The following LOC128462377 variants were observed in gnomAD, a reference collection of about 807,000 sequenced individuals.
the LOC128462377 span, chr16:89,324,568 C>G: frequency 2.2e-6 from 1 of 454,644 alleles, no homozygotes; most frequent in Non-Finnish European, 4.4e-6. Flanking sequence ...GACGAACCCT[C>G]CATCTGGGGG....
At chr16:89,397,355 G>A in the LOC128462377 span, among the ~76,000 whole-genome samples, 2 of 152,338 alleles carry the variant, frequency 1.3e-5, no homozygotes, top group East Asian at 1.9e-4. Context: ...TCAACTGGAT[G>A]CGCATTTACA....
chr16:89,414,838 G>A, the LOC128462377 span, among the ~76,000 whole-genome samples: 3 of 152,290 alleles, frequency 2.0e-5, no homozygotes, highest in East Asian at 5.8e-4. Flanking sequence ...CTGAAGAAGC[G>A]ACTGTGGATC....
the LOC128462377 span, among the ~76,000 whole-genome samples, chr16:89,399,615 T>C: frequency 3.9e-5 from 6 of 152,046 alleles, no homozygotes; most frequent in African/African-American, 1.4e-4. Flanking sequence ...CATCCAACCA[T>C]AGACTGCACA....
the LOC128462377 span, among the ~76,000 whole-genome samples, chr16:89,374,033 A>G: frequency 6.6e-6 from 1 of 152,236 alleles, no homozygotes; most frequent in Non-Finnish European, 1.5e-5. Flanking sequence ...ACTTCTGCAA[A>G]GCCAGAGTGG....
chr16:89,353,775 C>T, the LOC128462377 span, among the ~76,000 whole-genome samples: 29 of 152,158 alleles, frequency 1.9e-4, no homozygotes, highest in Admixed American at 6.5e-4. Context: ...CCACTACGCC[C>T]GAACTGGTCA....
chr16:89,317,660 C>A, the LOC128462377 span, among the ~76,000 whole-genome samples: 1 of 152,256 alleles, frequency 6.6e-6, no homozygotes, highest in Non-Finnish European at 1.5e-5. Context: ...GAGGTCCCAA[C>A]TCCACGCCCA....
the LOC128462377 span, among the ~76,000 whole-genome samples, chr16:89,329,842 T>C: frequency 7.9e-5 from 12 of 152,028 alleles, no homozygotes; most frequent in South Asian, 2.5e-3. Context: ...AACTCTCTAC[T>C]GAAAATACAA....
the LOC128462377 span, among the ~76,000 whole-genome samples, chr16:89,399,636 G>A: frequency 1.3e-5 from 2 of 152,190 alleles, no homozygotes; most frequent in South Asian, 2.1e-4. Flanking sequence ...GCACCCGGTG[G>A]ACCCTGAGGT....
the LOC128462377 span, among the ~76,000 whole-genome samples, chr16:89,398,030 A>G: frequency 1.3e-5 from 2 of 152,260 alleles, no homozygotes; most frequent in Non-Finnish European, 2.9e-5. Flanking sequence ...AGCACTGTCT[A>G]TGTGAATAAA....
the LOC128462377 span, among the ~76,000 whole-genome samples, chr16:89,340,421 T>C: frequency 1.3e-5 from 2 of 152,206 alleles, no homozygotes; most frequent in Non-Finnish European, 2.9e-5. Flanking sequence ...ATTACAGGCA[T>C]GCGCCACCAT....
At chr16:89,337,429 CTTTTTTTTTTTTTTT>C in the LOC128462377 span, among the ~76,000 whole-genome samples, 1 of 53,118 alleles carries the variant, frequency 1.9e-5, no homozygotes, top group Non-Finnish European at 3.2e-5. Flanking sequence ...CTAAGCAATT[CTTTTTTTTTTTTTTT>C]TTTTTTTTTT....
chr16:89,380,480 TTGGG>T, the LOC128462377 span, among the ~76,000 whole-genome samples: 1 of 152,192 alleles, frequency 6.6e-6, no homozygotes, highest in Admixed American at 6.6e-5. Context: ...GATAGCTTCC[TTGGG>T]GCTACTCCAG....
chr16:89,342,483 G>A, the LOC128462377 span, among the ~76,000 whole-genome samples: 1 of 152,252 alleles, frequency 6.6e-6, no homozygotes, highest in Non-Finnish European at 1.5e-5. Context: ...CAAAGCGTGA[G>A]GAGGAACGGG....
chr16:89,388,939 C>T, the LOC128462377 span, among the ~76,000 whole-genome samples: 1 of 152,200 alleles, frequency 6.6e-6, no homozygotes, highest in African/African-American at 2.4e-5. Flanking sequence ...CAGAACAAAG[C>T]CCAAGATGAC....
the LOC128462377 span, among the ~76,000 whole-genome samples, chr16:89,375,563 G>A: frequency 2.9e-4 from 44 of 151,894 alleles, no homozygotes; most frequent in African/African-American, 5.6e-4. Flanking sequence ...AGGCCCAAGC[G>A]ATTCTCCTGT....
chr16:89,342,209 T>C, the LOC128462377 span, among the ~76,000 whole-genome samples: 120 of 152,316 alleles, frequency 7.9e-4, no homozygotes, highest in African/African-American at 2.7e-3. Flanking sequence ...GTCTCCACCA[T>C]GAGAGAGAAA....
chr16:89,399,293 C>G, the LOC128462377 span, among the ~76,000 whole-genome samples: 2 of 152,166 alleles, frequency 1.3e-5, no homozygotes, highest in African/African-American at 2.4e-5. Flanking sequence ...CCAAGACACT[C>G]ATAGGTGAGT....
At chr16:89,339,125 T>C in the LOC128462377 span, among the ~76,000 whole-genome samples, 2 of 152,190 alleles carry the variant, frequency 1.3e-5, no homozygotes, top group Non-Finnish European at 2.9e-5. Flanking sequence ...CCTGTAATTA[T>C]AGGTTCTCAA....
At chr16:89,366,820 T>C in the LOC128462377 span, among the ~76,000 whole-genome samples, 1 of 152,244 alleles carries the variant, frequency 6.6e-6, no homozygotes, top group Admixed American at 6.5e-5. Context: ...AAAGGCTTTC[T>C]GGAAGGGTCC....
Sources: allele counts gnomAD v4.1 joint callset (sites outside exome capture counted in the v4.1 genomes callset), GRCh38; gene constraint gnomAD v4.1.1; transcripts MANE v1.5.